EXD3: variants seen among roughly 807,000 people sequenced by gnomAD.
The protein encoded by EXD3 is exonuclease 3'-5' domain containing 3, also known as exonuclease mut-7 homolog.
A neutral mutation model predicts 98.0 loss-of-function variants in EXD3; 92 were observed. The observed-to-expected ratio is 0.94, with a 90% CI of 0.79 to 1.12. The LOEUF (loss-of-function observed/expected upper bound fraction) is 1.12. Ranked by LOEUF, EXD3 falls within the 50% of genes most tolerant of loss-of-function variation. EXD3 has a pLI of 0.00. For synonymous variants in EXD3, 569 were observed against 526.0 expected, an observed-to-expected ratio of 1.08 and a Z score of -1.12; for missense variants, 1,222 against 1,191.6, an observed-to-expected ratio of 1.03 and a Z score of -0.38.
chr9:137,417,841 G>A (rs536223527), intron 1 of EXD3, among the ~76,000 whole-genome samples: 10 of 152,266 alleles, frequency 6.6e-5, no homozygotes, highest in Admixed American at 1.3e-4. Flanking sequence ...GGGGGAGGCC[G>A]GGCCGTCAGG....
chr9:137,348,318 G>C (rs1293931146), intron 16 of EXD3, 80 bp from the exon 17 acceptor site: 1 of 1,430,296 alleles, frequency 7.0e-7, no homozygotes. Flanking sequence ...CCCTGAGGCT[G>C]TGTGGCCAGC....
chr9:137,366,157 C>T (rs1227573797), intron 7 of EXD3: 1 of 700,844 alleles, frequency 1.4e-6, no homozygotes, highest in Admixed American at 2.0e-5. Flanking sequence ...CTTCCAAAAA[C>T]TTTATTAGAT....
rs1175539371 is a variant in EXD3, at chr9:137,400,541, G to A, written c.-47-5137C>T. ...AGCACTTTGGGAGGCCGAGGAGGGT[G>A]GATCACCTGAGGTCGGGAGTTTGAG... On this transcript the variant is annotated intron_variant, in intron 1 of 21. Transcript: ENST00000340951. Among the ~76,000 whole-genome samples, 10 of 152,212 alleles carry A rather than the reference G, an allele frequency of 6.6e-5. No individual in the cohort carries two copies. The Middle Eastern group carries it at 0.017, about 259-fold the overall frequency.
In EXD3 at chr9:137,349,297, G is replaced by A. The variant is rs369364313; in HGVS notation, c.1658-15C>T. On this transcript the variant is annotated splice_polypyrimidine_tract_variant and intron_variant, in intron 15 of 21. Transcript: ENST00000340951. The surrounding 1 kb of genome is among the most constrained non-coding windows in gnomAD (Gnocchi z 7.4). ...GGCGTCGGCAGCTGTGTGGGGAGTCGGCCTCAGCCTCCCGGGACAGAGGGC... is the reference window on the plus strand; with the variant it reads ...GGCGTCGGCAGCTGTGTGGGGAGTCAGCCTCAGCCTCCCGGGACAGAGGGC... 47 of 1,557,266 alleles carry A rather than the reference G, an allele frequency of 3.0e-5. No individual in the cohort carries two copies. Among genetic ancestry groups the A allele is most frequent in the Admixed American group, 1.1e-4 (6 of 53,848 alleles).
chr9:137,408,714 G>A (rs543175570), intron 1 of EXD3, among the ~76,000 whole-genome samples: 32 of 151,968 alleles, frequency 2.1e-4, no homozygotes, highest in Admixed American at 3.9e-4. Flanking sequence ...TTTTATCTGC[G>A]TCCCTTGAGT....
Position 137,388,836 on chromosome 9 carries a change from G to C in EXD3, c.56-5459C>G, listed in dbSNP as rs376309449. Among the ~76,000 whole-genome samples, 1,061 of 152,294 alleles carry C rather than the reference G, an allele frequency of 7.0e-3. 12 individuals carry two copies. The highest frequency in any genetic ancestry group is 0.024 in the African/African-American group (1,001 of 41,560). On this transcript the variant is annotated intron_variant, in intron 2 of 21. Transcript: ENST00000340951. ...CGCGGCAGTGAGTGTAGAAGAGCCC[G>C]GCCGCCCAGACCAGACCCCACGCGC... is the stretch of plus-strand genomic sequence containing the variant.
Position 137,351,427 on chromosome 9 carries a change from C to A in EXD3, c.1275G>T (p.Val425=). The change falls in exon 13 of 22, where the codon GTG becomes GTT. Residue 425 remains valine, a synonymous_variant. Transcript: ENST00000340951. ...SLLQVAVEGH[V]FLLDVLALSQ... Reference sequence around the variant, plus strand: ...AGAGTGCCAGGACGTCCAGAAGGAACACGTGGCCCTCCACGGCCACCTGCA... The same window carrying A: ...AGAGTGCCAGGACGTCCAGAAGGAAAACGTGGCCCTCCACGGCCACCTGCA... 2 of 1,607,878 alleles carry A rather than the reference C, an allele frequency of 1.2e-6. No individual in the cohort carries two copies. The highest frequency in any genetic ancestry group is 1.7e-6 in the Non-Finnish European group (2 of 1,178,184).
At chr9:137,345,399 C>T (rs530529025) in intron 17 of EXD3, among the ~76,000 whole-genome samples, 14 of 152,276 alleles carry the variant, frequency 9.2e-5, no homozygotes, top group African/African-American at 2.4e-4. Flanking sequence ...TGGTGGCTCA[C>T]GCCTGTAATC....
intron 1 of EXD3, among the ~76,000 whole-genome samples, chr9:137,418,590 G>A (rs1376150803): frequency 1.3e-5 from 2 of 152,260 alleles, no homozygotes; most frequent in Non-Finnish European, 2.9e-5. Flanking sequence ...AGTTTTTAAC[G>A]GAAAATTAGG....
chr9:137,389,961 A>C (rs1459539309), intron 2 of EXD3, among the ~76,000 whole-genome samples: 1 of 151,500 alleles, frequency 6.6e-6, no homozygotes, highest in Non-Finnish European at 1.5e-5. Context: ...GTCTCTACTA[A>C]AAATACAAAA....
At position 137,395,414 on chromosome 9, in the gene EXD3, C is replaced by CA; in HGVS notation, c.-47-11dup. ...AGCTAGGAACGAGGATCTGCAGAAA[C>CA]AGACAATCAGGTGAATGCAGAGCCC... On this transcript the variant is annotated splice_polypyrimidine_tract_variant and intron_variant, in intron 1 of 21. Coordinates refer to ENST00000340951, the MANE Select transcript of EXD3 (RefSeq NM_017820.5). The surrounding 1 kb of genome is among the most constrained non-coding windows in gnomAD (Gnocchi z 6.5). The CA allele has an allele frequency of 1.2e-6, 2 of 1,612,252 alleles. No individual in the cohort carries two copies. The highest frequency in any genetic ancestry group is 1.1e-5 in the South Asian group (1 of 90,984).
intron 17 of EXD3, among the ~76,000 whole-genome samples, chr9:137,333,049 G>A (rs529051833): frequency 6.6e-6 from 1 of 152,314 alleles, no homozygotes; most frequent in East Asian, 1.9e-4. Flanking sequence ...CGTCTAATCA[G>A]CTGCCAGTAC....
chr9:137,406,330 G>C (rs1050359354), intron 1 of EXD3, among the ~76,000 whole-genome samples: 2 of 151,212 alleles, frequency 1.3e-5, no homozygotes, highest in South Asian at 4.2e-4. Context: ...AAAAAGAAAA[G>C]AAAGAAAAAT....
Position 137,324,278 on chromosome 9 carries a change from T to C in EXD3, c.1999-135A>G. On this transcript the variant is annotated intron_variant, in intron 17 of 21. Coordinates refer to ENST00000340951, the MANE Select transcript of EXD3 (RefSeq NM_017820.5). The surrounding 1 kb of genome is among the most constrained non-coding windows in gnomAD (Gnocchi z 4.1). ...CCCTTTTGTCCTCCAGGGTGGCCTC[T>C]GCCTGGGGTCTTGGGTGGTGAGGAG... 1.4e-6 allele frequency: 1 copy of C among 705,996 alleles called. No homozygotes were observed. Among genetic ancestry groups the C allele is most frequent in the African/African-American group, 1.8e-5 (1 of 55,968 alleles). The allele number at this position is 705,996 out of a possible 1,614,324, so 43.7% of individuals were successfully genotyped here. A position where few individuals can be genotyped will look rare whatever the true frequency, so the allele number is the denominator to read the frequency against.
At chr9:137,319,907 C>A (rs1378150399) in intron 19 of EXD3, among the ~76,000 whole-genome samples, 2 of 152,210 alleles carry the variant, frequency 1.3e-5, no homozygotes, top group Non-Finnish European at 2.9e-5. Flanking sequence ...CCTGCTAGGG[C>A]CCAGCAGGGT....
Position 137,328,153 on chromosome 9 carries a change from A to G in EXD3, c.1999-4010T>C, listed in dbSNP as rs1242478334. ...AAAACAACGAATAAACACCGACATG[A>G]TGAGTAAAAACAACTAATATACACC... On this transcript the variant is annotated intron_variant, in intron 17 of 21. Coordinates refer to ENST00000340951, the MANE Select transcript of EXD3 (RefSeq NM_017820.5). Among the ~76,000 whole-genome samples, 3 of 145,086 alleles carry G rather than the reference A, an allele frequency of 2.1e-5. No individual in the cohort carries two copies. In the East Asian group the frequency reaches 6.0e-4, roughly 29 times the overall value.
At chr9:137,406,207 C>A (rs1837702970) in intron 1 of EXD3, among the ~76,000 whole-genome samples, 1 of 142,432 alleles carries the variant, frequency 7.0e-6, no homozygotes, top group Admixed American at 7.3e-5. Flanking sequence ...CAGAGCAAGA[C>A]CCTGTTTCCA....
intron 17 of EXD3, among the ~76,000 whole-genome samples, chr9:137,340,582 G>A (rs529620529): frequency 6.6e-6 from 1 of 152,048 alleles, no homozygotes; most frequent in East Asian, 1.9e-4. Context: ...CTGGAGTGCA[G>A]TGGCATGATC....
In EXD3 at chr9:137,324,134, G is replaced by A. The variant is rs760671637; in HGVS notation, c.2008C>T (p.Gln670Ter). 1.3e-6 allele frequency: 2 copies of A among 1,581,734 alleles called. No homozygotes were observed. Among genetic ancestry groups the A allele is most frequent in the Non-Finnish European group, 1.7e-6 (2 of 1,164,552 alleles). The part of the protein sequence containing the change: ...DHRRAAEVAR[Q>*]EGRIILTSGQ... ...GACGTCAGAATGATCCTCCCCTCCT[G>A]CCTGGCAACCTGTGTGGGAGGTGCG... Residue 670 changes from glutamine (Q) to a stop codon, truncating the protein, a stop_gained, in exon 18 of 22, where the codon CAG (glutamine) becomes TAG (stop). Coordinates refer to ENST00000340951, the MANE Select transcript of EXD3 (RefSeq NM_017820.5). LOFTEE classifies it high-confidence loss of function. This position sits in a 1 kb window ranked among gnomAD's most constrained non-coding sequence, Gnocchi z 4.1.
Sources: gnomAD v4.1 joint callset for allele counts (sites outside exome capture counted in the v4.1 genomes callset) on GRCh38, gnomAD v4.1.1 for gene constraint, Gnocchi (gnomAD v3.1) non-coding constraint, MANE v1.5 for transcripts, NCBI Gene and HGNC (gene_info 2026-07-23, HGNC 2026-07-21) for gene names.